The following ZDHHC14 variants were observed in gnomAD, a reference collection of about 807,000 sequenced individuals.
The protein encoded by ZDHHC14 is palmitoyltransferase ZDHHC14.
In ZDHHC14, 16 loss-of-function variants were observed where a neutral mutation model predicts 47.7. That is an observed-to-expected ratio of 0.34 (90% CI 0.23 to 0.51). The LOEUF (loss-of-function observed/expected upper bound fraction) is 0.51. ZDHHC14 is among the 20% of genes least tolerant of loss of function. The pLI is 0.97. For missense variants in ZDHHC14, 515 were observed against 662.5 expected (o/e 0.78, Z 2.44); for synonymous variants, 293 against 278.9 (o/e 1.05, Z -0.50).
chr6:157,511,385 C>CTT lies in ZDHHC14; in HGVS notation c.246-31188_246-31187dup, dbSNP rs35757516. ...GTGGTGGTGAGAGTGCATGAGGAAA[C>CTT]TTTTTTTTTTTTTGAGACGGAGTCT... On this transcript the variant is annotated intron_variant, in intron 1 of 8. Transcript: ENST00000359775. Among the ~76,000 whole-genome samples, 71 of 145,572 alleles carry CTT rather than the reference C, an allele frequency of 4.9e-4. 1 individual carries two copies. The highest frequency in any genetic ancestry group is 1.1e-3 in the South Asian group (5 of 4,580).
chr6:157,673,264 T>G lies in ZDHHC14; in HGVS notation c.*142T>G. 1.7e-6 allele frequency: 2 copies of G among 1,169,248 alleles called. No homozygotes were observed. Among genetic ancestry groups the G allele is most frequent in the South Asian group, 1.8e-5 (1 of 56,140 alleles). 72.4% of individuals were successfully genotyped at this position (1,169,248 alleles called of 1,614,324 possible). A position where few individuals can be genotyped will look rare whatever the true frequency, so the allele number is the denominator to read the frequency against. On this transcript the variant is annotated 3_prime_UTR_variant, in exon 9 of 9. Transcript: ENST00000359775. This position sits in a 1 kb window ranked among gnomAD's most constrained non-coding sequence, Gnocchi z 5.4. ...CCAGGTCTGGGGTACAGAGACCACT[T>G]AGGATGGCACAGGGTGGCTGGCCCC...
At chr6:157,405,139 T>C (rs180885242) in intron 1 of ZDHHC14, among the ~76,000 whole-genome samples, 25 of 152,350 alleles carry the variant, frequency 1.6e-4, no homozygotes, top group African/African-American at 6.0e-4. Context: ...GAATATTTTA[T>C]GTTAGGGTCT....
At chr6:157,438,892 A>G (rs1427957076) in intron 1 of ZDHHC14, among the ~76,000 whole-genome samples, 2 of 152,246 alleles carry the variant, frequency 1.3e-5, no homozygotes, top group African/African-American at 2.4e-5. Flanking sequence ...AATATATTTT[A>G]TAAGTGATAA....
rs150592203 is a variant in ZDHHC14 at position 157,597,530 on chromosome 6, A to G, written c.565+4384A>G. On this transcript the variant is annotated intron_variant, in intron 3 of 8. Coordinates refer to ENST00000359775, the MANE Select transcript of ZDHHC14 (RefSeq NM_024630.3). ...CTAATAAGAAAGTTTGCTAGACAGTAAGATGAAACACTGCCAGCATTTTTG... is the reference window on the plus strand; with the variant it reads ...CTAATAAGAAAGTTTGCTAGACAGTGAGATGAAACACTGCCAGCATTTTTG... 6.6e-5 allele frequency among the ~76,000 whole-genome samples: 10 copies of G among 152,404 alleles called. No individual in the cohort carries two copies. The East Asian group carries it at 1.7e-3, about 26-fold the overall frequency.
intron 2 of ZDHHC14, among the ~76,000 whole-genome samples, chr6:157,565,984 C>T (rs554449659): frequency 3.9e-5 from 6 of 152,154 alleles, no homozygotes; most frequent in African/African-American, 7.2e-5. Flanking sequence ...CCCAGGAAAA[C>T]GCTCTTTCCT....
chr6:157,460,152 G>A (rs1274619259), intron 1 of ZDHHC14, among the ~76,000 whole-genome samples: 2 of 150,776 alleles, frequency 1.3e-5, no homozygotes, highest in African/African-American at 2.4e-5. Flanking sequence ...GCAGTGAGCC[G>A]AGATTGCGCC....
At chr6:157,398,344 A>G (rs548098776) in intron 1 of ZDHHC14, among the ~76,000 whole-genome samples, 1 of 152,302 alleles carries the variant, frequency 6.6e-6, no homozygotes, top group East Asian at 1.9e-4. Flanking sequence ...CACTGGCATC[A>G]TGTCAGGATG....
chr6:157,421,050 C>T (rs1415772761), intron 1 of ZDHHC14, among the ~76,000 whole-genome samples: 1 of 152,052 alleles, frequency 6.6e-6, no homozygotes, highest in Non-Finnish European at 1.5e-5. Flanking sequence ...TAGTAAGGCA[C>T]TTCAGTTTAT....
At chr6:157,421,850 C>T (rs1778112865) in intron 1 of ZDHHC14, among the ~76,000 whole-genome samples, 1 of 152,130 alleles carries the variant, frequency 6.6e-6, no homozygotes, top group African/African-American at 2.4e-5. Context: ...TCAGGTGATC[C>T]ACCCGCCTTG....
At chr6:157,465,741 C>G (rs1042708930) in intron 1 of ZDHHC14, among the ~76,000 whole-genome samples, 2 of 152,136 alleles carry the variant, frequency 1.3e-5, no homozygotes, top group African/African-American at 2.4e-5. Context: ...GAGGTCTGAA[C>G]TTGGTAGAGA....
intron 1 of ZDHHC14, among the ~76,000 whole-genome samples, chr6:157,425,893 G>A (rs1778208071): frequency 6.6e-6 from 1 of 152,136 alleles, no homozygotes; most frequent in Non-Finnish European, 1.5e-5. Context: ...TGTAATGCTT[G>A]CTGCTCTGCC....
chr6:157,595,777 G>A (rs1784104293), intron 3 of ZDHHC14, among the ~76,000 whole-genome samples: 1 of 152,128 alleles, frequency 6.6e-6, no homozygotes, highest in Non-Finnish European at 1.5e-5. Flanking sequence ...CGTGAACCTA[G>A]GAGCCACCAG....
rs1380834002 is a variant in ZDHHC14, at chr6:157,427,028, G to A, written c.245+44762G>A. 6.6e-6 allele frequency among the ~76,000 whole-genome samples: 1 copy of A among 152,128 alleles called. No homozygotes were observed. Reference sequence around the variant, plus strand: ...TGGAGGAGAAGGTAGGTGAGGAATCGGTCTAGAGGAAAAGGAGGAGAGGCA... The same window carrying A: ...TGGAGGAGAAGGTAGGTGAGGAATCAGTCTAGAGGAAAAGGAGGAGAGGCA... On this transcript the variant is annotated intron_variant, in intron 1 of 8. Transcript: ENST00000359775. The surrounding 1 kb of genome is among the most constrained non-coding windows in gnomAD (Gnocchi z 4.4).
intron 1 of ZDHHC14, among the ~76,000 whole-genome samples, chr6:157,466,635 C>G (rs766964264): frequency 1.3e-5 from 2 of 152,014 alleles, no homozygotes. Context: ...GCCAGGAGTT[C>G]GACACTAGCC....
intron 5 of ZDHHC14, among the ~76,000 whole-genome samples, chr6:157,644,250 G>A (rs1386151829): frequency 1.3e-5 from 2 of 152,234 alleles, no homozygotes; most frequent in Non-Finnish European, 2.9e-5. Context: ...GGGGGGATGT[G>A]GGTGGAGAGA....
intron 2 of ZDHHC14, among the ~76,000 whole-genome samples, chr6:157,558,653 A>G (rs1477947109): frequency 6.6e-6 from 1 of 152,096 alleles, no homozygotes. Context: ...TCTGTTTGGG[A>G]TCCTCATTTC....
chr6:157,461,189 C>A (rs1046536284), intron 1 of ZDHHC14, among the ~76,000 whole-genome samples: 6 of 152,160 alleles, frequency 3.9e-5, no homozygotes, highest in African/African-American at 1.4e-4. Context: ...AACAGTATCT[C>A]ATTGAGTTTG....
intron 1 of ZDHHC14, among the ~76,000 whole-genome samples, chr6:157,495,062 ATTT>A (rs1169645048): frequency 6.7e-6 from 1 of 148,454 alleles, no homozygotes; most frequent in Non-Finnish European, 1.5e-5. Context: ...CCTTTTTGGG[ATTT>A]TTTTTTTTAT....
chr6:157,407,690 T>A (rs1242972868), intron 1 of ZDHHC14, among the ~76,000 whole-genome samples: 1 of 152,224 alleles, frequency 6.6e-6, no homozygotes, highest in Non-Finnish European at 1.5e-5. Context: ...TACAATGAAA[T>A]TGGTGTGCCT....
Sources: allele counts gnomAD v4.1 joint callset (sites outside exome capture counted in the v4.1 genomes callset), GRCh38; gene constraint gnomAD v4.1.1; non-coding constraint Gnocchi (gnomAD v3.1); transcripts MANE v1.5; gene names NCBI Gene and HGNC (gene_info 2026-07-23, HGNC 2026-07-21).